The following ELOVL3 variants were observed in gnomAD, a reference collection of about 807,000 sequenced individuals.
ELOVL3 encodes ELOVL fatty acid elongase 3, also known as very long chain fatty acid elongase 3.
Under a neutral mutation model 14.9 loss-of-function variants are expected in ELOVL3, and 11 were observed. The ratio of observed to expected loss-of-function variants is 0.74; its 90% CI spans 0.46 to 1.22. The LOEUF (loss-of-function observed/expected upper bound fraction) is 1.22, where lower values mean the gene tolerates loss of function less well. Among genes scored for constraint, ELOVL3 ranks in the 50% most tolerant of loss-of-function variants. The probability of loss-of-function intolerance (pLI) is 0.00; values close to 1 mark genes in which losing one functional copy is unlikely to be tolerated. For synonymous variants in ELOVL3, 117 were observed against 124.7 expected, an observed-to-expected ratio of 0.94 and a Z score of 0.41; for missense variants, 277 against 338.9, an observed-to-expected ratio of 0.82 and a Z score of 1.43.
At position 102,226,579 on chromosome 10, in the gene ELOVL3, G is replaced by A. The variant is rs1329821041; in HGVS notation, c.31G>A (p.Val11Ile). 1 of 1,614,106 alleles carries A rather than the reference G, an allele frequency of 6.2e-7. No individual in the cohort carries two copies. The highest frequency in any genetic ancestry group is 1.1e-5 in the South Asian group (1 of 91,084). The change falls in exon 1 of 4, where the codon GTA (valine) becomes ATA (isoleucine). Residue 11 changes from valine to isoleucine, a missense_variant. Physicochemically the swap from Val to Ile is conservative, Grantham distance 29. Transcript: ENST00000370005. MVTAMNVSHEVNQLFQPYNFE... is the reference protein window; with the variant it reads MVTAMNVSHEINQLFQPYNFE... The stretch of plus-strand genomic sequence containing the variant: ...CACAGCCATGAATGTCTCACATGAA[G>A]TAAATCAGCTGTTCCAGCCCTATAA...
At chr10:102,224,962 C>A (rs952920351), upstream of ELOVL3, among the ~76,000 whole-genome samples, 1 of 152,002 alleles carries the variant, frequency 6.6e-6, no homozygotes, top group Non-Finnish European at 1.5e-5. Flanking sequence ...CGTGCCCGGC[C>A]GAACCACTGA....
Position 102,228,442 on chromosome 10 carries a change from G to A in ELOVL3, c.259G>A (p.Gly87Ser). 2 of 1,614,108 alleles carry A rather than the reference G, an allele frequency of 1.2e-6. No homozygotes were observed. The highest frequency in any genetic ancestry group is 2.7e-5 in the African/African-American group (2 of 74,982). The change falls in exon 3 of 4, where the codon GGC (glycine) becomes AGC (serine). Residue 87 changes from glycine (G) to serine (S), a missense_variant. Physicochemically the swap from Gly to Ser is moderately conservative, Grantham distance 56 (BLOSUM62 0). Coordinates refer to ENST00000370005, the MANE Select transcript of ELOVL3 (RefSeq NM_152310.3). The part of the protein sequence containing the change: ...FSILGAVRMW[G>S]IMGTVLLTGG... ...TATCCTGGGGGCAGTGAGGATGTGG[G>A]GCATTATGGGGACTGTGCTACTTAC...
Position 102,227,724 on chromosome 10 carries a change from T to C in ELOVL3, c.200T>C (p.Leu67Pro), listed in dbSNP as rs973500804. 12 of 1,613,684 alleles carry C rather than the reference T, an allele frequency of 7.4e-6. No homozygotes were observed. Among genetic ancestry groups the C allele is most frequent in the Non-Finnish European group, 1.0e-5 (12 of 1,179,918 alleles). ...AAGGGCTTCAACCTGCAAGGGCCTC[T>C]CATCCTCTGGTCCTTCTGCCTTGCA... ...ERKGFNLQGP[L>P]ILWSFCLAIF... The change falls in exon 2 of 4, where the codon CTC (leucine) becomes CCC (proline). Residue 67 changes from leucine to proline, a missense_variant. Leu to Pro is a moderately conservative substitution (Grantham distance 98, BLOSUM62 -3). Transcript: ENST00000370005.
chr10:102,228,166 C>T (rs1172552515), intron 2 of ELOVL3, among the ~76,000 whole-genome samples: 1 of 152,120 alleles, frequency 6.6e-6, no homozygotes, highest in Non-Finnish European at 1.5e-5. Flanking sequence ...TCCCAAGAAC[C>T]CCATTCCTTA....
Position 102,228,746 on chromosome 10 carries a change from T to A in ELOVL3, c.386-79T>A, listed in dbSNP as rs1469610237. The A allele has an allele frequency of 4.1e-6, 6 of 1,479,816 alleles. No individual in the cohort carries two copies. In the East Asian group the frequency reaches 1.1e-4, roughly 28 times the overall value. The allele number at this position is 1,479,816 out of a possible 1,614,324, so 91.7% of individuals were successfully genotyped here. A position where few individuals can be genotyped will look rare whatever the true frequency, so the allele number is the denominator to read the frequency against. On this transcript the variant is annotated intron_variant, in intron 3 of 3. Transcript: ENST00000370005. ...GACCCCCTTCCCTCCCCTGAGAATT[T>A]CTCCCGTGTCCCTACATCCAGTGCA...
intron 1 of ELOVL3, 34 bp from the exon 2 acceptor site, chr10:102,227,592 C>T (rs376359483): frequency 1.2e-6 from 2 of 1,601,460 alleles, no homozygotes; most frequent in South Asian, 2.2e-5. Flanking sequence ...CAGCACCCAC[C>T]CATGAGCCCA....
At chr10:102,225,155 T>C (rs2070127348), upstream of ELOVL3, among the ~76,000 whole-genome samples, 1 of 152,168 alleles carries the variant, frequency 6.6e-6, no homozygotes, top group Non-Finnish European at 1.5e-5. Flanking sequence ...GCAGAAGCAC[T>C]GTATTAGAGA....
rs1564990377 is a variant in ELOVL3 at position 102,229,148 on chromosome 10, T to C, written c.709T>C (p.Phe237Leu). 1.9e-6 allele frequency: 3 copies of C among 1,613,984 alleles called. No homozygotes were observed. Among genetic ancestry groups the C allele is most frequent in the Non-Finnish European group, 2.5e-6 (3 of 1,180,044 alleles). The change falls in exon 4 of 4, where the codon TTC (phenylalanine) becomes CTC (leucine). Residue 237 changes from phenylalanine to leucine, a missense_variant. Transcript: ENST00000370005. ...QGCHTTMEHL[F>L]WSFILYMTYF... ...ATGCCACACCACGATGGAACACTTA[T>C]TCTGGTCCTTCATCTTGTATATGAC...
chr10:102,229,020 C>T lies in ELOVL3; in HGVS notation c.581C>T (p.Pro194Leu), dbSNP rs1214821151. ...ACTCTGAAGGCTGCCAACGTGAAGCCCCCCAAGATGCTGCCCATGCTCATC... is the reference window on the plus strand; with the variant it reads ...ACTCTGAAGGCTGCCAACGTGAAGCTCCCCAAGATGCTGCCCATGCTCATC... Reference protein sequence around the residue: ...YYTLKAANVKPPKMLPMLITS... With the variant: ...YYTLKAANVKLPKMLPMLITS... Residue 194 changes from proline (P) to leucine (L), a missense_variant, in exon 4 of 4, where the codon CCC becomes CTC. Physicochemically the swap from Pro to Leu is moderately conservative, Grantham distance 98 (BLOSUM62 -3). Transcript: ENST00000370005. 1.2e-6 allele frequency: 2 copies of T among 1,614,132 alleles called. No homozygotes were observed. Among genetic ancestry groups the T allele is most frequent in the South Asian group, 1.1e-5 (1 of 91,076 alleles).
At chr10:102,227,331 C>T (rs546365881) in intron 1 of ELOVL3, among the ~76,000 whole-genome samples, 63 of 152,252 alleles carry the variant, frequency 4.1e-4, no homozygotes, top group Admixed American at 1.4e-3. Flanking sequence ...GCCAGACAGC[C>T]GTCACCCACC....
At chr10:102,227,447 C>T (rs531927803) in intron 1 of ELOVL3, among the ~76,000 whole-genome samples, 179 bp from the exon 2 acceptor site, 52 of 152,212 alleles carry the variant, frequency 3.4e-4, no homozygotes, top group Non-Finnish European at 5.4e-4. Context: ...ATGTAGTATT[C>T]GCGCTCTACA....
At chr10:102,225,717 G>A (rs2070130657), upstream of ELOVL3, among the ~76,000 whole-genome samples, 1 of 152,078 alleles carries the variant, frequency 6.6e-6, no homozygotes, top group East Asian at 1.9e-4. Context: ...CTCTCTCCAT[G>A]GTTATTACTG....
chr10:102,228,403 T>G lies in ELOVL3; in HGVS notation c.234-14T>G. 1 of 1,612,900 alleles carries G rather than the reference T, an allele frequency of 6.2e-7. No homozygotes were observed. Among genetic ancestry groups the G allele is most frequent in the East Asian group, 2.2e-5 (1 of 44,844 alleles). ...GGGATGACACTTACACCATCTTCCT[T>G]TGTCCCATTTCAGTATCCTGGGGGC... On this transcript the variant is annotated splice_polypyrimidine_tract_variant and intron_variant, in intron 2 of 3. Coordinates refer to ENST00000370005, the MANE Select transcript of ELOVL3 (RefSeq NM_152310.3).
intron 3 of ELOVL3, 93 bp from the exon 4 acceptor site, chr10:102,228,732 C>G: frequency 6.9e-7 from 1 of 1,451,532 alleles, no homozygotes; most frequent in South Asian, 1.3e-5. Context: ...ACCCCCTTCC[C>G]TCCCCTGAGA....
At chr10:102,228,683 C>T (rs547884000) in intron 3 of ELOVL3, 115 bp downstream of exon 3, 5 of 1,434,018 alleles carry the variant, frequency 3.5e-6, no homozygotes, top group East Asian at 4.6e-5. Flanking sequence ...CCAATAATAC[C>T]TCTCACCCAA....
intron 1 of ELOVL3, among the ~76,000 whole-genome samples, chr10:102,227,132 C>A (rs563631858): frequency 8.9e-4 from 136 of 152,250 alleles, no homozygotes; most frequent in Non-Finnish European, 1.3e-3. Flanking sequence ...TCTGGCTTTG[C>A]CTTAAAGCTC....
chr10:102,226,789 C>A, intron 1 of ELOVL3, 140 bp downstream of exon 1: 1 of 610,886 alleles, frequency 1.6e-6, no homozygotes, highest in Non-Finnish European at 2.9e-6. Flanking sequence ...TACCTTTGTC[C>A]GAGGTGCAGG....
Position 102,229,284 on chromosome 10 carries a change from C to G in ELOVL3, c.*32C>G, listed in dbSNP as rs890585963. The stretch of plus-strand genomic sequence containing the variant: ...GGAGAGAACAATGAAGCTCCAGGCT[C>G]TCTCTTCTCCAGGGCACCAAGAGGC... On this transcript the variant is annotated 3_prime_UTR_variant, in exon 4 of 4. Coordinates refer to ENST00000370005, the MANE Select transcript of ELOVL3 (RefSeq NM_152310.3). 8 of 1,565,220 alleles carry G rather than the reference C, an allele frequency of 5.1e-6. No individual in the cohort carries two copies. The highest frequency in any genetic ancestry group is 4.1e-5 in the African/African-American group (3 of 73,570).
chr10:102,226,725 C>G, intron 1 of ELOVL3, 76 bp downstream of exon 1: 1 of 990,430 alleles, frequency 1.0e-6, no homozygotes, highest in African/African-American at 1.6e-5. Flanking sequence ...TGAATGCCCA[C>G]AATGATTTTC....
Sources: gnomAD v4.1 joint callset for allele counts (sites outside exome capture counted in the v4.1 genomes callset) on GRCh38, gnomAD v4.1.1 for gene constraint, MANE v1.5 for transcripts, NCBI Gene and HGNC (gene_info 2026-07-23, HGNC 2026-07-21) for gene names.